The following RIPOR2 variants were observed in gnomAD, a reference collection of about 807,000 sequenced individuals.
RIPOR2 encodes the protein rho family-interacting cell polarization regulator 2.
RIPOR2 carries 39 observed loss-of-function variants against 114.5 expected under a neutral mutation model. The observed-to-expected ratio is 0.34, with a 90% CI of 0.26 to 0.44. The LOEUF (loss-of-function observed/expected upper bound fraction) is 0.44. Among genes scored for constraint, RIPOR2 ranks in the 20% least tolerant of loss-of-function variants. The pLI, the probability that RIPOR2 is intolerant of heterozygous loss-of-function variation, is 1.00. For missense variants in RIPOR2, 1,007 were observed against 1,255.1 expected, an observed-to-expected ratio of 0.80 and a Z score of 2.99; for synonymous variants, 445 against 484.4, an observed-to-expected ratio of 0.92 and a Z score of 1.07.
intron 19 of RIPOR2, among the ~76,000 whole-genome samples, chr6:24,821,209 T>C (rs1298026723): frequency 1.8e-5 from 2 of 112,022 alleles, no homozygotes; most frequent in African/African-American, 7.1e-5. Flanking sequence ...TGAGATGGAG[T>C]GTTGCTCTTG....
At chr6:25,004,768 A>G (rs527867415) in intron 1 of RIPOR2, among the ~76,000 whole-genome samples, 48 of 152,106 alleles carry the variant, frequency 3.2e-4, no homozygotes, top group Middle Eastern at 3.4e-3. Context: ...TTTTACTGGC[A>G]TCTAGTTTGT....
upstream of RIPOR2, among the ~76,000 whole-genome samples, chr6:24,938,659 C>T (rs117792212): frequency 1.4e-4 from 22 of 152,312 alleles, no homozygotes; most frequent in East Asian, 3.9e-3. Context: ...GAAGTCACCA[C>T]ACTCCATATA....
At position 24,872,886 on chromosome 6, in the gene RIPOR2, G is replaced by A. The variant is rs775842188; in HGVS notation, c.418C>T (p.Arg140Cys). Reference protein sequence around the residue: ...AQLKDMKRNSRLGVLYDLDKQ... With the variant: ...AQLKDMKRNSCLGVLYDLDKQ... ...AATGACTGCATAGTACCTACCAGGC[G>A]AGAGTTTCTTTTCATATCTTTTAAC... is the stretch of plus-strand genomic sequence containing the variant. The change falls in exon 4 of 22, where the codon CGC (arginine) becomes TGC (cysteine). Residue 140 changes from arginine to cysteine, a missense_variant. Coordinates refer to ENST00000643898, the MANE Select transcript of RIPOR2 (RefSeq NM_001286445.3). 34 of 1,605,034 alleles carry A rather than the reference G, an allele frequency of 2.1e-5. No individual in the cohort carries two copies. The highest frequency in any genetic ancestry group is 4.5e-5 in the East Asian group (2 of 44,856).
chr6:24,987,517 A>T (rs778225623), intron 1 of RIPOR2, among the ~76,000 whole-genome samples: 1 of 152,216 alleles, frequency 6.6e-6, no homozygotes, highest in Non-Finnish European at 1.5e-5. Flanking sequence ...GCCAAATTAA[A>T]AGGCTCAAAT....
chr6:24,820,981 G>C (rs1282638524), intron 19 of RIPOR2, among the ~76,000 whole-genome samples: 1 of 138,140 alleles, frequency 7.2e-6, no homozygotes, highest in Non-Finnish European at 1.5e-5. Context: ...CAAGCCATAC[G>C]CCCACCTTAG....
At chr6:24,950,698 G>A (rs1245629878) in intron 1 of RIPOR2, among the ~76,000 whole-genome samples, 1 of 152,182 alleles carries the variant, frequency 6.6e-6, no homozygotes, top group South Asian at 2.1e-4. Context: ...GGAAACCTAT[G>A]CCAGAAAGTT....
At chr6:25,027,088 TAAAAC>T (rs1358559494) in intron 1 of RIPOR2, among the ~76,000 whole-genome samples, 1 of 152,140 alleles carries the variant, frequency 6.6e-6, no homozygotes, top group Non-Finnish European at 1.5e-5. Flanking sequence ...TTCCAAATAT[TAAAAC>T]AAAAAAGCAA....
chr6:24,817,732 C>T (rs9467323), intron 20 of RIPOR2, among the ~76,000 whole-genome samples: 7,541 of 147,892 alleles, frequency 0.051, 2,053 homozygotes, highest in African/African-American at 0.14. Context: ...CCGTTTAGTA[C>T]TTGTTTACAT....
chr6:24,835,689 A>G lies in RIPOR2; in HGVS notation c.2208+14T>C, dbSNP rs1387111520. ...CACCTGGCATCTCAAACACAAATTCATCGCTGATCCTACCTGCACGAGTTG... is the reference window on the plus strand; with the variant it reads ...CACCTGGCATCTCAAACACAAATTCGTCGCTGATCCTACCTGCACGAGTTG... On this transcript the variant is annotated intron_variant, in intron 15 of 21. Transcript: ENST00000643898. The G allele has an allele frequency of 6.5e-7, 1 of 1,549,192 alleles. No homozygotes were observed. Among genetic ancestry groups the G allele is most frequent in the South Asian group, 1.2e-5 (1 of 84,032 alleles).
intron 20 of RIPOR2, among the ~76,000 whole-genome samples, chr6:24,811,400 AT>A (rs1169680457): frequency 4.7e-5 from 6 of 128,692 alleles, no homozygotes; most frequent in South Asian, 2.5e-4. Flanking sequence ...TGCCTGGCTA[AT>A]TTTTTTTGTA....
chr6:25,013,753 A>G (rs1222323012), intron 1 of RIPOR2, among the ~76,000 whole-genome samples: 1 of 152,144 alleles, frequency 6.6e-6, no homozygotes, highest in African/African-American at 2.4e-5. Flanking sequence ...CAAATTTTCA[A>G]ATCAGAAAGT....
intron 1 of RIPOR2, among the ~76,000 whole-genome samples, chr6:24,935,362 TAGACAGAGAGAGAG>T (rs1266068186): frequency 9.7e-5 from 11 of 112,908 alleles, no homozygotes; most frequent in African/African-American, 3.3e-4. Context: ...GAGAGAAAGA[TAGACAGAGAGAGAG>T]AGACAGAGAG....
At chr6:24,875,654 C>A (rs774754877) in intron 2 of RIPOR2, 37 bp downstream of exon 2, 87 of 1,590,604 alleles carry the variant, frequency 5.5e-5, no homozygotes, top group Non-Finnish European at 2.6e-6. Context: ...ACTTCCTTGG[C>A]AAGCTGCATC....
chr6:24,870,875 G>A lies in RIPOR2; in HGVS notation c.438C>T (p.Asp146=), dbSNP rs969319891. The change falls in exon 5 of 22, where the codon GAC becomes GAT. Residue 146 remains aspartate, a synonymous_variant. Transcript: ENST00000643898. ...KRNSRLGVLY[D]LDKQIKTIER... ...CGGAATGGCAACTTACCTTGTCTAG[G>A]TCATACAGTACACCCTACAATAAAA... 2 of 1,601,998 alleles carry A rather than the reference G, an allele frequency of 1.2e-6. No homozygotes were observed. The highest frequency in any genetic ancestry group is 1.7e-6 in the Non-Finnish European group (2 of 1,173,712).
chr6:25,013,588 C>T (rs565954936), intron 1 of RIPOR2, among the ~76,000 whole-genome samples: 3 of 152,142 alleles, frequency 2.0e-5, no homozygotes, highest in Non-Finnish European at 4.4e-5. Context: ...TTTTTTCATG[C>T]AAAATCTTTA....
intron 1 of RIPOR2, among the ~76,000 whole-genome samples, chr6:24,898,911 T>C (rs1016323016): frequency 6.6e-6 from 1 of 151,990 alleles, no homozygotes; most frequent in Admixed American, 6.6e-5. Flanking sequence ...TCAAAATTGT[T>C]CATTATTGTA....
chr6:24,979,030 T>G (rs941351019), intron 1 of RIPOR2, among the ~76,000 whole-genome samples: 22 of 152,174 alleles, frequency 1.4e-4, no homozygotes, highest in African/African-American at 5.3e-4. Context: ...AGGTTTAACA[T>G]TATTTTCTCT....
intron 2 of RIPOR2, 66 bp from the exon 3 acceptor site, chr6:24,873,865 T>A: frequency 7.5e-7 from 1 of 1,332,112 alleles, no homozygotes. Context: ...AAGAAAAATG[T>A]CTTCTATTAT....
chr6:24,984,640 A>AC (rs11393512), intron 1 of RIPOR2, among the ~76,000 whole-genome samples: 148,627 of 150,108 alleles, frequency 0.99, 73,588 homozygotes, highest in East Asian at 1. Flanking sequence ...ACATAGTGAG[A>AC]CCCCGTCTCT....
Sources: gnomAD v4.1 joint callset for allele counts (sites outside exome capture counted in the v4.1 genomes callset) on GRCh38, gnomAD v4.1.1 for gene constraint, MANE v1.5 for transcripts, NCBI Gene and HGNC (gene_info 2026-07-23, HGNC 2026-07-21) for gene names.